SCLT1: variants seen among roughly 807,000 people sequenced by gnomAD.
The protein encoded by SCLT1 is sodium channel and clathrin linker 1, also known as sodium channel-associated protein 1.
Under a neutral mutation model 112.8 loss-of-function variants are expected in SCLT1, and 78 were observed. That is an observed-to-expected ratio of 0.69 (90% CI 0.58 to 0.83). The LOEUF is 0.83. Among genes scored for constraint, SCLT1 ranks in the 40% least tolerant of loss-of-function variants. The pLI is 0.00. For missense variants in SCLT1, 747 were observed against 770.4 expected (o/e 0.97, Z 0.36); for synonymous variants, 257 against 254.7 (o/e 1.01, Z -0.09).
intron 2 of SCLT1, among the ~76,000 whole-genome samples, chr4:129,061,810 G>A (rs929432649): frequency 3.3e-5 from 5 of 152,040 alleles, no homozygotes; most frequent in African/African-American, 1.2e-4. Flanking sequence ...TTAATGAAGG[G>A]GAGCTACTTG....
intron 18 of SCLT1, among the ~76,000 whole-genome samples, chr4:128,895,788 C>G (rs1413227261): frequency 1.3e-5 from 2 of 152,174 alleles, no homozygotes; most frequent in East Asian, 3.9e-4. Flanking sequence ...CTTTCCTAGT[C>G]AAAGAAAGGG....
At chr4:129,089,786 T>G (rs970241206) in intron 1 of SCLT1, among the ~76,000 whole-genome samples, 1 of 152,146 alleles carries the variant, frequency 6.6e-6, no homozygotes, top group Non-Finnish European at 1.5e-5. Flanking sequence ...CACCGCATAT[T>G]CTCACTCATA....
chr4:128,908,759 G>A (rs956862038), intron 18 of SCLT1, among the ~76,000 whole-genome samples: 4 of 152,118 alleles, frequency 2.6e-5, no homozygotes, highest in Non-Finnish European at 2.9e-5. Flanking sequence ...AAAAGTTAGT[G>A]ATATATATAA....
chr4:128,879,054 C>G (rs1003831535), downstream of SCLT1, among the ~76,000 whole-genome samples: 1 of 151,566 alleles, frequency 6.6e-6, no homozygotes, highest in South Asian at 2.1e-4. Flanking sequence ...GTGCAGCACA[C>G]CAACACGGCA....
intron 5 of SCLT1, among the ~76,000 whole-genome samples, chr4:129,010,632 T>C (rs532004387): frequency 6.6e-6 from 1 of 152,302 alleles, no homozygotes; most frequent in South Asian, 2.1e-4. Flanking sequence ...TCTTTCACCT[T>C]CCTAGTTAGC....
intron 5 of SCLT1, 109 bp from the exon 6 acceptor site, chr4:129,003,985 C>T (rs1251143491): frequency 1.1e-6 from 1 of 930,870 alleles, no homozygotes; most frequent in East Asian, 2.5e-5. Context: ...TAAACAAAAT[C>T]ATTTTTAAGT....
intron 5 of SCLT1, among the ~76,000 whole-genome samples, chr4:129,033,411 G>A (rs1419387329): frequency 2.7e-5 from 4 of 146,622 alleles, no homozygotes; most frequent in Non-Finnish European, 6.0e-5. Flanking sequence ...AAACCTGGAT[G>A]ACGGGTTGAT....
At chr4:128,983,651 G>A (rs978235016) in intron 9 of SCLT1, among the ~76,000 whole-genome samples, 3 of 152,090 alleles carry the variant, frequency 2.0e-5, no homozygotes, top group African/African-American at 7.2e-5. Flanking sequence ...GGTGAATGAA[G>A]GTTCTTAAGA....
chr4:128,891,187 A>T, intron 18 of SCLT1, 50 bp from the exon 19 acceptor site: 1 of 1,370,056 alleles, frequency 7.3e-7, no homozygotes, highest in African/African-American at 1.4e-5. Flanking sequence ...CAAATAGAAA[A>T]CAGAATCTTT....
intron 2 of SCLT1, among the ~76,000 whole-genome samples, chr4:129,080,914 C>T (rs1243836751): frequency 6.6e-6 from 1 of 152,066 alleles, no homozygotes; most frequent in Non-Finnish European, 1.5e-5. Context: ...GAGTTGGTCT[C>T]CCCCGTGTGA....
At chr4:128,882,890 T>C (rs1364840411), downstream of SCLT1, among the ~76,000 whole-genome samples, 2 of 152,104 alleles carry the variant, frequency 1.3e-5, no homozygotes, top group East Asian at 1.9e-4. Flanking sequence ...CTCAGGCCTG[T>C]AATCCCAGCA....
chr4:128,978,127 C>A (rs1221640812), intron 9 of SCLT1, among the ~76,000 whole-genome samples: 1 of 152,090 alleles, frequency 6.6e-6, no homozygotes, highest in African/African-American at 2.4e-5. Context: ...TCAATCATAG[C>A]CATTCTACTT....
At position 128,900,724 on chromosome 4, in the gene SCLT1, C is replaced by A. The variant is rs370869230; in HGVS notation, c.1830-9587G>T. ...CTTCTGCACAGCAAAAGAAACTACCCTCAGAGTGAACAGGCAACCTACAGA... is the reference window on the plus strand; with the variant it reads ...CTTCTGCACAGCAAAAGAAACTACCATCAGAGTGAACAGGCAACCTACAGA... On this transcript the variant is annotated intron_variant, in intron 18 of 20. Coordinates refer to ENST00000281142, the MANE Select transcript of SCLT1 (RefSeq NM_144643.4). Among the ~76,000 whole-genome samples, 637 of 152,192 alleles carry A rather than the reference C, an allele frequency of 4.2e-3. 3 individuals carry two copies. The highest frequency in any genetic ancestry group is 0.014 in the African/African-American group (588 of 41,512).
intron 2 of SCLT1, among the ~76,000 whole-genome samples, chr4:129,080,106 G>C (rs1466490138): frequency 1.3e-5 from 2 of 152,244 alleles, no homozygotes; most frequent in African/African-American, 4.8e-5. Flanking sequence ...TCCCTCCTAT[G>C]TCTCCAGGCC....
intron 11 of SCLT1, among the ~76,000 whole-genome samples, chr4:128,963,600 A>T (rs1739924648): frequency 1.3e-5 from 2 of 152,178 alleles, no homozygotes; most frequent in Admixed American, 1.3e-4. Flanking sequence ...ACCTTTTTCT[A>T]CTACTCCTGT....
At chr4:128,917,128 A>G (rs1394513239) in intron 18 of SCLT1, among the ~76,000 whole-genome samples, 1 of 152,000 alleles carries the variant, frequency 6.6e-6, no homozygotes, top group Admixed American at 6.6e-5. Flanking sequence ...AAAAACCACA[A>G]TAAAATGTGT....
chr4:129,070,134 G>A (rs191643807), intron 2 of SCLT1, among the ~76,000 whole-genome samples: 9 of 152,158 alleles, frequency 5.9e-5, no homozygotes, highest in African/African-American at 1.9e-4. Flanking sequence ...TTATCTTCTC[G>A]CTACGTTGTT....
chr4:128,884,278 A>C lies in SCLT1; in HGVS notation c.*199T>G, dbSNP rs1054313014. ...GCTGGTTTATTCTCCACTGAAGCTC[A>C]ATATAGGATTATATTTTCTTTACTT... On this transcript the variant is annotated 3_prime_UTR_variant, in exon 21 of 21. Coordinates refer to ENST00000281142, the MANE Select transcript of SCLT1 (RefSeq NM_144643.4). The C allele has an allele frequency of 3.5e-5, 15 of 431,094 alleles. No homozygotes were observed. Among genetic ancestry groups the C allele is most frequent in the Admixed American group, 4.1e-5 (1 of 24,428 alleles). 26.7% of individuals were successfully genotyped at this position (431,094 alleles called of 1,614,324 possible). A position where few individuals can be genotyped will look rare whatever the true frequency, so the allele number is the denominator to read the frequency against.
intron 20 of SCLT1, among the ~76,000 whole-genome samples, chr4:128,886,639 G>A (rs776112896): frequency 6.6e-6 from 1 of 152,158 alleles, no homozygotes; most frequent in Non-Finnish European, 1.5e-5. Context: ...AGAATGGAAG[G>A]AGAAAAGCTT....
Sources: gnomAD v4.1 joint callset for allele counts (sites outside exome capture counted in the v4.1 genomes callset) on GRCh38, gnomAD v4.1.1 for gene constraint, MANE v1.5 for transcripts, NCBI Gene and HGNC (gene_info 2026-07-23, HGNC 2026-07-21) for gene names.